The following MARCHF1 variants were observed in gnomAD, a reference collection of about 807,000 sequenced individuals.
MARCHF1 encodes the protein E3 ubiquitin-protein ligase MARCHF1.
A neutral mutation model predicts 54.2 loss-of-function variants in MARCHF1; 40 were observed. That is an observed-to-expected ratio of 0.74 (90% CI 0.57 to 0.96). MARCHF1 has a LOEUF of 0.96. Among genes scored for constraint, MARCHF1 ranks in the 40% least tolerant of loss-of-function variants. The probability of loss-of-function intolerance (pLI) is 0.00; values close to 1 mark genes in which losing one functional copy is unlikely to be tolerated. For synonymous variants in MARCHF1, 236 were observed against 236.3 expected, an observed-to-expected ratio of 1.00 and a Z score of 0.01; for missense variants, 586 against 656.5, an observed-to-expected ratio of 0.89 and a Z score of 1.17.
At chr4:163,784,874 G>T (rs188402703) in intron 4 of MARCHF1, among the ~76,000 whole-genome samples, 16 of 151,924 alleles carry the variant, frequency 1.1e-4, no homozygotes, top group Non-Finnish European at 2.1e-4. Context: ...AATATATTCC[G>T]CTTTATATAT....
intron 2 of MARCHF1, among the ~76,000 whole-genome samples, chr4:164,038,868 A>G (rs1337385610): frequency 1.3e-5 from 2 of 152,200 alleles, no homozygotes; most frequent in Admixed American, 1.3e-4. Context: ...TACCAAATTT[A>G]TTATCTTCAG....
intron 8 of MARCHF1, among the ~76,000 whole-genome samples, chr4:163,577,380 T>A (rs755632095): frequency 6.6e-6 from 1 of 152,086 alleles, no homozygotes; most frequent in South Asian, 2.1e-4. Flanking sequence ...TGAAATTTCT[T>A]TTGTTTAAGA....
chr4:163,964,241 A>G (rs1752397651), intron 3 of MARCHF1, among the ~76,000 whole-genome samples: 1 of 151,986 alleles, frequency 6.6e-6, no homozygotes. Context: ...TTTGTCACTA[A>G]TGAGAGAACA....
chr4:163,984,609 C>A (rs1005078748), intron 3 of MARCHF1, among the ~76,000 whole-genome samples: 3 of 152,124 alleles, frequency 2.0e-5, no homozygotes, highest in Non-Finnish European at 2.9e-5. Flanking sequence ...TAGAGGTCGA[C>A]TAAATACTGG....
chr4:163,549,097 C>T (rs1351349740), intron 8 of MARCHF1, among the ~76,000 whole-genome samples: 3 of 152,170 alleles, frequency 2.0e-5, no homozygotes, highest in Admixed American at 2.0e-4. Context: ...TCTTCAGGTC[C>T]CCAAAGTGTG....
At chr4:164,193,045 C>T (rs576022222) in intron 1 of MARCHF1, among the ~76,000 whole-genome samples, 13 of 152,252 alleles carry the variant, frequency 8.5e-5, no homozygotes, top group African/African-American at 2.6e-4. Context: ...TCTTACTCAG[C>T]TCTAACTCTG....
intron 3 of MARCHF1, among the ~76,000 whole-genome samples, chr4:163,980,312 A>G (rs572212007): frequency 2.6e-4 from 35 of 137,008 alleles, no homozygotes; most frequent in African/African-American, 9.7e-4. Context: ...CTGGCTAGCC[A>G]TATGTAGAAA....
intron 4 of MARCHF1, among the ~76,000 whole-genome samples, chr4:163,704,562 C>A (rs546385235): frequency 6.6e-6 from 1 of 150,784 alleles, no homozygotes; most frequent in African/African-American, 2.4e-5. Flanking sequence ...CAATATTGAG[C>A]CAATACAATT....
At chr4:163,830,656 G>C (rs1405716191) in intron 4 of MARCHF1, among the ~76,000 whole-genome samples, 1 of 152,080 alleles carries the variant, frequency 6.6e-6, no homozygotes, top group Non-Finnish European at 1.5e-5. Context: ...GCGCATGTCT[G>C]TAATCCCAGC....
At position 163,711,416 on chromosome 4, in the gene MARCHF1, C is replaced by T. The variant is rs115471319; in HGVS notation, c.112-10553G>A. 5.7e-3 allele frequency among the ~76,000 whole-genome samples: 871 copies of T among 152,168 alleles called. 6 individuals are homozygous for T. Among genetic ancestry groups the T allele is most frequent in the African/African-American group, 0.02 (834 of 41,494 alleles). On this transcript the variant is annotated intron_variant, in intron 4 of 9. Coordinates refer to ENST00000514618, the MANE Select transcript of MARCHF1 (RefSeq NM_001394959.1). ...GTGCTAGGTGTATCTTCCACCAGTC[C>T]GTGTAGATCCATGTCCCACTGTTCC...
intron 3 of MARCHF1, among the ~76,000 whole-genome samples, chr4:163,983,703 T>C (rs1189585369): frequency 6.6e-6 from 1 of 152,196 alleles, no homozygotes; most frequent in Non-Finnish European, 1.5e-5. Flanking sequence ...TGTGTGACAT[T>C]GGCAAACTCT....
Position 163,525,467 on chromosome 4 carries a change from A to G in MARCHF1, c.*3281T>C, listed in dbSNP as rs1000209764. The G allele has an allele frequency of 2.6e-5, 4 of 152,122 alleles. No homozygotes were observed. The highest frequency in any genetic ancestry group is 9.7e-5 in the African/African-American group (4 of 41,422). The allele number at this position is 152,122 out of a possible 1,614,324, so 9.4% of individuals were successfully genotyped here. On this transcript the variant is annotated 3_prime_UTR_variant, in exon 10 of 10. Transcript: ENST00000514618. ...TATCTCAGGTTGTTGGGCTCACTTT[A>G]GTTTAGATTTTGTTCATTTTTATTT...
intron 1 of MARCHF1, among the ~76,000 whole-genome samples, chr4:164,134,336 T>C (rs1382474225): frequency 6.6e-6 from 1 of 152,184 alleles, no homozygotes; most frequent in East Asian, 1.9e-4. Context: ...CTAAAATGCA[T>C]TCTCATTTAA....
At chr4:163,594,759 AACACACACAC>A (rs3080975) in intron 7 of MARCHF1, among the ~76,000 whole-genome samples, 2 of 65,612 alleles carry the variant, frequency 3.0e-5, no homozygotes, top group Non-Finnish European at 8.1e-5. Context: ...TCAAAACACA[AACACACACAC>A]ACACACACAC....
Position 163,718,512 on chromosome 4 carries a change from A to AAC in MARCHF1, c.112-17651_112-17650dup, listed in dbSNP as rs376171869. On this transcript the variant is annotated intron_variant, in intron 4 of 9. Transcript: ENST00000514618. ...AATTATACTGACATAGTGCCAAAAT[A>AAC]ACTGCTCTATGAGATCAATAAATCC... 5.4e-3 allele frequency among the ~76,000 whole-genome samples: 826 copies of AAC among 152,336 alleles called. 2 individuals carry two copies. The highest frequency in any genetic ancestry group is 9.5e-3 in the Admixed American group (145 of 15,292).
At chr4:163,761,707 T>C (rs7682853) in intron 4 of MARCHF1, among the ~76,000 whole-genome samples, 72,062 of 152,044 alleles carry the variant, frequency 0.47, 17,146 homozygotes, top group Admixed American at 0.51. Flanking sequence ...TGTTCTTCAG[T>C]CTAGCCAAGT....
intron 3 of MARCHF1, among the ~76,000 whole-genome samples, chr4:163,865,357 T>G (rs1172587036): frequency 2.6e-5 from 4 of 151,874 alleles, no homozygotes; most frequent in African/African-American, 9.7e-5. Context: ...AAGTTTATTT[T>G]TTCACATAGA....
chr4:163,952,909 A>T (rs773878175), intron 3 of MARCHF1, among the ~76,000 whole-genome samples: 1 of 152,196 alleles, frequency 6.6e-6, no homozygotes, highest in Non-Finnish European at 1.5e-5. Flanking sequence ...ACAAAAACAG[A>T]TAAGTAAAAA....
intron 1 of MARCHF1, among the ~76,000 whole-genome samples, chr4:164,122,519 C>T (rs2915259): frequency 0.17 from 25,082 of 151,824 alleles, 2,517 homozygotes; most frequent in East Asian, 0.49. Flanking sequence ...CCAGCCTTCC[C>T]GCATGCTATG....
Sources: gnomAD v4.1 joint callset for allele counts (sites outside exome capture counted in the v4.1 genomes callset) on GRCh38, gnomAD v4.1.1 for gene constraint, MANE v1.5 for transcripts, NCBI Gene and HGNC (gene_info 2026-07-23, HGNC 2026-07-21) for gene names.